Variants in DNAH5 observed in about 807,000 individuals in gnomAD.
DNAH5 encodes axonemal beta dynein heavy chain 5.
Under a neutral mutation model 518.2 loss-of-function variants are expected in DNAH5, and 372 were observed. The ratio of observed to expected loss-of-function variants is 0.72; its 90% CI spans 0.66 to 0.78. The LOEUF (loss-of-function observed/expected upper bound fraction) is 0.78. Ranked by LOEUF, DNAH5 falls within the 30% of genes least tolerant of loss-of-function variation. The pLI is 0.00. For synonymous variants in DNAH5, 2,039 were observed against 2,025.9 expected, an observed-to-expected ratio of 1.01 and a Z score of -0.17; for missense variants, 5,523 against 5,687.0, an observed-to-expected ratio of 0.97 and a Z score of 0.93.
At position 13,867,773 on chromosome 5, in the gene DNAH5, C is replaced by T. The variant is rs1060501466; in HGVS notation, c.4053+1G>A. 6.2e-7 allele frequency: 1 copy of T among 1,612,142 alleles called. No homozygotes were observed. Among genetic ancestry groups the T allele is most frequent in the Admixed American group, 1.7e-5 (1 of 60,010 alleles). ...GCACACAGAGAAAGCCAGAGACATA[C>T]CAAATCATAGTCCAGATAAAACTGG... On this transcript the variant is annotated splice_donor_variant, in intron 25 of 78. Coordinates refer to ENST00000265104, the MANE Select transcript of DNAH5 (RefSeq NM_001369.3). LOFTEE classifies it high-confidence loss of function.
chr5:13,790,709 A>G (rs1169376466), intron 50 of DNAH5, among the ~76,000 whole-genome samples: 1 of 152,114 alleles, frequency 6.6e-6, no homozygotes, highest in Non-Finnish European at 1.5e-5. Context: ...GTTTTCCACC[A>G]TGATTGTTAA....
At chr5:13,898,404 G>A (rs10053458) in intron 15 of DNAH5, 78,728 of 396,464 alleles carry the variant, frequency 0.2, 8,627 homozygotes, top group African/African-American at 0.33. Flanking sequence ...GACTAAGTGA[G>A]TTTCCTAATG....
chr5:13,811,847 T>C (rs959397368), intron 43 of DNAH5, 24 bp from the exon 44 acceptor site: 2 of 1,613,022 alleles, frequency 1.2e-6, no homozygotes, highest in Non-Finnish European at 1.7e-6. Flanking sequence ...GACAAGTGTA[T>C]TCATGAAACT....
intron 68 of DNAH5, among the ~76,000 whole-genome samples, chr5:13,734,091 G>A (rs112936592): frequency 0.034 from 5,193 of 152,124 alleles, 121 homozygotes; most frequent in South Asian, 0.13. Context: ...ATGATTAGAT[G>A]AGGTCATGAA....
At chr5:13,875,042 G>A (rs1488927993) in intron 22 of DNAH5, among the ~76,000 whole-genome samples, 2 of 152,184 alleles carry the variant, frequency 1.3e-5, no homozygotes, top group Non-Finnish European at 2.9e-5. Flanking sequence ...TATTCTCCCA[G>A]AAACAATTTG....
chr5:13,912,162 A>G (rs1776065376), intron 11 of DNAH5, among the ~76,000 whole-genome samples: 1 of 152,168 alleles, frequency 6.6e-6, no homozygotes, highest in South Asian at 2.1e-4. Flanking sequence ...GATTCTTCTT[A>G]ACCAGGTACT....
At chr5:13,971,592 T>C (rs1384088214) in intron 1 of DNAH5, among the ~76,000 whole-genome samples, 1 of 152,184 alleles carries the variant, frequency 6.6e-6, no homozygotes, top group Non-Finnish European at 1.5e-5. Context: ...GGTCTGGTAC[T>C]GGGGAGTGTC....
chr5:13,713,645 C>T (rs910134372), intron 75 of DNAH5, among the ~76,000 whole-genome samples: 32 of 148,642 alleles, frequency 2.2e-4, no homozygotes, highest in East Asian at 2.0e-4. Context: ...GCTATGAGGA[C>T]GCAAAGGCAT....
At chr5:13,894,850 A>C (rs1773709995) in intron 15 of DNAH5, 29 bp from the exon 16 acceptor site, 1 of 1,606,902 alleles carries the variant, frequency 6.2e-7, no homozygotes, top group Admixed American at 1.7e-5. Context: ...TAAGTAATCA[A>C]TTAATATCTC....
intron 22 of DNAH5, among the ~76,000 whole-genome samples, chr5:13,875,508 T>C (rs1054643199): frequency 6.6e-6 from 1 of 151,264 alleles, no homozygotes; most frequent in Non-Finnish European, 1.5e-5. Flanking sequence ...AAGTATTTTG[T>C]GGCCAGCACT....
chr5:13,776,338 C>T, intron 55 of DNAH5, 101 bp downstream of exon 55: 2 of 1,485,618 alleles, frequency 1.3e-6, no homozygotes, highest in South Asian at 1.1e-5. Flanking sequence ...ATCCTGGAGC[C>T]TGCCTGGAGA....
intron 1 of DNAH5, among the ~76,000 whole-genome samples, chr5:13,941,065 C>G (rs1047288439): frequency 1.1e-4 from 4 of 37,500 alleles, no homozygotes; most frequent in African/African-American, 2.3e-4. Context: ...TGGGCCTTTA[C>G]AAGCAGCACT....
At chr5:13,907,065 C>G (rs988037821) in intron 12 of DNAH5, among the ~76,000 whole-genome samples, 1 of 152,112 alleles carries the variant, frequency 6.6e-6, no homozygotes, top group African/African-American at 2.4e-5. Flanking sequence ...TACAGACTAA[C>G]CTTTGGCAAA....
In DNAH5 at chr5:13,717,376, G is replaced by T; in HGVS notation, c.12644C>A (p.Ala4215Glu). 4 of 1,614,022 alleles carry T rather than the reference G, an allele frequency of 2.5e-6. No individual in the cohort carries two copies. The highest frequency in any genetic ancestry group is 3.4e-6 in the Non-Finnish European group (4 of 1,180,000). Residue 4215 changes from alanine (A) to glutamate (E), a missense_variant, in exon 73 of 79, where the codon GCG becomes GAG. Physicochemically the swap from Ala to Glu is moderately radical, Grantham distance 107. Transcript: ENST00000265104. ...GAACTGCACAGTGGCATTAAAGTCC[G>T]CTTGGTTAAATTCGTAGGGGATATT... is the stretch of plus-strand genomic sequence containing the variant. ...GWNIPYEFNQ[A>E]DFNATVQFIQ...
upstream of DNAH5, among the ~76,000 whole-genome samples, chr5:13,947,971 GT>G (rs1171480153): frequency 4.6e-5 from 7 of 152,188 alleles, no homozygotes; most frequent in Admixed American, 4.6e-4. Flanking sequence ...TATAATTGCT[GT>G]TGGCCAGACA....
intron 1 of DNAH5, among the ~76,000 whole-genome samples, chr5:13,990,270 C>A (rs187743665): frequency 1.3e-5 from 2 of 152,002 alleles, no homozygotes; most frequent in Non-Finnish European, 2.9e-5. Flanking sequence ...TGGGGCCCGG[C>A]GGCCAGGCAC....
intron 65 of DNAH5, among the ~76,000 whole-genome samples, chr5:13,750,210 A>G (rs1750022643): frequency 6.6e-6 from 1 of 152,180 alleles, no homozygotes; most frequent in Non-Finnish European, 1.5e-5. Context: ...GTATTAACAT[A>G]AATAATCTTC....
rs2151806960 is a variant in DNAH5 at position 13,817,546 on chromosome 5, A to G, written c.6988+2T>C. On this transcript the variant is annotated splice_donor_variant, in intron 42 of 78. Coordinates refer to ENST00000265104, the MANE Select transcript of DNAH5 (RefSeq NM_001369.3). LOFTEE classifies it high-confidence loss of function. The stretch of plus-strand genomic sequence containing the variant: ...AAATAATCCTTGTAATTTATCTTCT[A>G]CCTTTCTTTGCTCTTAATGTTTTCC... 1 of 1,613,914 alleles carries G rather than the reference A, an allele frequency of 6.2e-7. No homozygotes were observed. The highest frequency in any genetic ancestry group is 8.5e-7 in the Non-Finnish European group (1 of 1,179,814).
chr5:13,913,503 G>A (rs1373835220), intron 11 of DNAH5, among the ~76,000 whole-genome samples: 1 of 151,890 alleles, frequency 6.6e-6, no homozygotes, highest in African/African-American at 2.4e-5. Flanking sequence ...TTTTTTAATG[G>A]TGATTAATTT....
Sources: gnomAD v4.1 joint callset for allele counts (sites outside exome capture counted in the v4.1 genomes callset) on GRCh38, gnomAD v4.1.1 for gene constraint, MANE v1.5 for transcripts, NCBI Gene and HGNC (gene_info 2026-07-23, HGNC 2026-07-21) for gene names.